ARHGAP22: variants seen among roughly 807,000 people sequenced by gnomAD.
ARHGAP22 encodes Rho GTPase activating protein 22, also known as rho GTPase-activating protein 22.
In ARHGAP22, 48 loss-of-function variants were observed where a neutral mutation model predicts 59.1. That is an observed-to-expected ratio of 0.81 (90% CI 0.64 to 1.03). The LOEUF (loss-of-function observed/expected upper bound fraction) is 1.03. Among genes scored for constraint, ARHGAP22 ranks in the 50% least tolerant of loss-of-function variants. The pLI is 0.00. For missense variants in ARHGAP22, 1,015 were observed against 958.7 expected, an observed-to-expected ratio of 1.06 and a Z score of -0.78; for synonymous variants, 445 against 416.4, an observed-to-expected ratio of 1.07 and a Z score of -0.84.
At chr10:48,606,141 T>C (rs2060662943), upstream of ARHGAP22, among the ~76,000 whole-genome samples, 1 of 152,138 alleles carries the variant, frequency 6.6e-6, no homozygotes. Context: ...ATTTGAACAA[T>C]GCCCTCCCCT....
At chr10:48,594,724 G>T (rs564974593) in intron 1 of ARHGAP22, among the ~76,000 whole-genome samples, 1 of 152,052 alleles carries the variant, frequency 6.6e-6, no homozygotes, top group African/African-American at 2.4e-5. Context: ...TCCACCCCTC[G>T]CCCAACTTAG....
chr10:48,535,787 A>T (rs1245708149), intron 3 of ARHGAP22, among the ~76,000 whole-genome samples: 4 of 152,252 alleles, frequency 2.6e-5, no homozygotes, highest in African/African-American at 4.8e-5. Flanking sequence ...CTCTCAGTTC[A>T]TGTGGACAAC....
chr10:48,533,631 C>G (rs142494528), intron 3 of ARHGAP22, among the ~76,000 whole-genome samples: 1 of 152,182 alleles, frequency 6.6e-6, no homozygotes, highest in Non-Finnish European at 1.5e-5. Context: ...CATATTTAAG[C>G]TTTGAGGGCC....
intron 3 of ARHGAP22, among the ~76,000 whole-genome samples, chr10:48,480,679 A>C (rs1287064616): frequency 1.3e-5 from 2 of 152,246 alleles, no homozygotes; most frequent in East Asian, 3.8e-4. Flanking sequence ...TCTGGTAAGC[A>C]CAGCTGCCAC....
the ARHGAP22 span, among the ~76,000 whole-genome samples, chr10:48,440,122 C>CT: frequency 0.5 from 75,226 of 150,034 alleles, 19,307 homozygotes; most frequent in Middle Eastern, 0.71. Flanking sequence ...AATTTAGGTA[C>CT]TTTTTTTTTT....
At chr10:48,641,187 A>T (rs2062030155) in intron 1 of ARHGAP22, among the ~76,000 whole-genome samples, 1 of 152,176 alleles carries the variant, frequency 6.6e-6, no homozygotes, top group African/African-American at 2.4e-5. Context: ...AACAGGAACA[A>T]AAAAGAGAAG....
At chr10:48,628,767 G>A (rs1396836019) in intron 1 of ARHGAP22, among the ~76,000 whole-genome samples, 1 of 152,036 alleles carries the variant, frequency 6.6e-6, no homozygotes, top group African/African-American at 2.4e-5. Context: ...CATTCCCCAG[G>A]TGGCCCCTTG....
At chr10:48,557,219 G>A (rs898269392) in intron 2 of ARHGAP22, among the ~76,000 whole-genome samples, 1 of 152,136 alleles carries the variant, frequency 6.6e-6, no homozygotes, top group Non-Finnish European at 1.5e-5. Flanking sequence ...GGGTGTGGGT[G>A]AGATCCATCA....
intron 9 of ARHGAP22, among the ~76,000 whole-genome samples, chr10:48,448,319 T>C (rs2045566070): frequency 6.6e-6 from 1 of 152,216 alleles, no homozygotes; most frequent in African/African-American, 2.4e-5. Flanking sequence ...CCCTCCATGC[T>C]GCTCTATGTT....
chr10:48,619,089 T>A (rs988936368), intron 1 of ARHGAP22, among the ~76,000 whole-genome samples: 3 of 152,000 alleles, frequency 2.0e-5, no homozygotes, highest in Admixed American at 1.3e-4. Context: ...AAGAAAGCAA[T>A]CCTGTTTACA....
intron 3 of ARHGAP22, among the ~76,000 whole-genome samples, chr10:48,486,542 G>A (rs144661599): frequency 3.1e-3 from 469 of 152,214 alleles, no homozygotes; most frequent in Middle Eastern, 0.014. Flanking sequence ...GTTTCACCAC[G>A]TTGGCCAGGC....
chr10:48,652,459 A>G, exon 1 of ARHGAP22: 1 of 630,202 alleles, frequency 1.6e-6, no homozygotes, highest in Non-Finnish European at 2.8e-6. Flanking sequence ...TTTAAGCAAG[A>G]AGCCTCGCTG....
chr10:48,536,554 CT>C (rs1488742453), intron 3 of ARHGAP22, among the ~76,000 whole-genome samples: 1 of 152,230 alleles, frequency 6.6e-6, no homozygotes, highest in Non-Finnish European at 1.5e-5. Flanking sequence ...TGTTTCCCCA[CT>C]TCCTACAGCC....
chr10:48,443,127 C>T (rs550115459), downstream of ARHGAP22, among the ~76,000 whole-genome samples: 1 of 152,254 alleles, frequency 6.6e-6, no homozygotes, highest in African/African-American at 2.4e-5. Context: ...TTTTTCAGGA[C>T]TTCTCAAAGA....
chr10:48,512,510 A>G (rs1479390218), intron 3 of ARHGAP22, among the ~76,000 whole-genome samples: 1 of 152,260 alleles, frequency 6.6e-6, no homozygotes, highest in East Asian at 1.9e-4. Context: ...CAACAAAACA[A>G]TACTGGTCTC....
the ARHGAP22 span, chr10:48,430,814 G>A: frequency 9.1e-6 from 2 of 220,510 alleles, no homozygotes; most frequent in Non-Finnish European, 8.8e-6. Flanking sequence ...CCAGGAAATG[G>A]AAGTCAGTAA....
chr10:48,655,008 CTCTTTCTT>C (rs369212947), upstream of ARHGAP22, among the ~76,000 whole-genome samples: 9 of 76,546 alleles, frequency 1.2e-4, 2 homozygotes, highest in Admixed American at 2.9e-4. Flanking sequence ...CTCTTTCTTT[CTCTTTCTT>C]TCTTTCTTTC....
At chr10:48,595,511 T>C (rs988793313) in intron 1 of ARHGAP22, among the ~76,000 whole-genome samples, 3 of 152,160 alleles carry the variant, frequency 2.0e-5, no homozygotes, top group Non-Finnish European at 4.4e-5. Flanking sequence ...TTTATATATA[T>C]GTGTATAGTT....
chr10:48,524,921 A>G (rs1469393011), intron 3 of ARHGAP22, among the ~76,000 whole-genome samples: 1 of 152,234 alleles, frequency 6.6e-6, no homozygotes, highest in African/African-American at 2.4e-5. Flanking sequence ...AGAGAAGATA[A>G]CAGAAACTGC....
Sources: gnomAD v4.1 joint callset for allele counts (sites outside exome capture counted in the v4.1 genomes callset) on GRCh38, gnomAD v4.1.1 for gene constraint, MANE v1.5 for transcripts, NCBI Gene and HGNC (gene_info 2026-07-23, HGNC 2026-07-21) for gene names.